The following ITGB6 variants were observed in gnomAD, a reference collection of about 807,000 sequenced individuals.
The protein encoded by ITGB6 is integrin beta-6.
Under a neutral mutation model 84.5 loss-of-function variants are expected in ITGB6, and 80 were observed. The observed-to-expected ratio is 0.95, with a 90% CI of 0.79 to 1.14. ITGB6 has a LOEUF of 1.14. Among genes scored for constraint, ITGB6 ranks in the 50% most tolerant of loss-of-function variants. ITGB6 has a pLI of 0.00. For missense variants in ITGB6, 1,006 were observed against 968.0 expected (o/e 1.04, Z -0.52); for synonymous variants, 383 against 354.9 (o/e 1.08, Z -0.89).
At chr2:160,124,192 G>C (rs1384476534) in intron 11 of ITGB6, among the ~76,000 whole-genome samples, 2 of 152,274 alleles carry the variant, frequency 1.3e-5, no homozygotes, top group East Asian at 3.9e-4. Context: ...AAAATAAATT[G>C]ATTTAGCTGT....
intron 4 of ITGB6, among the ~76,000 whole-genome samples, chr2:160,179,314 C>T (rs563457642): frequency 4.9e-4 from 75 of 151,824 alleles, no homozygotes; most frequent in African/African-American, 1.6e-3. Flanking sequence ...AAACTATATA[C>T]CATATACTCA....
At chr2:160,183,693 C>G (rs1265279827) in intron 4 of ITGB6, among the ~76,000 whole-genome samples, 1 of 152,164 alleles carries the variant, frequency 6.6e-6, no homozygotes, top group Non-Finnish European at 1.5e-5. Context: ...ATACATTCTT[C>G]TCAGCACCAA....
intron 4 of ITGB6, among the ~76,000 whole-genome samples, chr2:160,180,066 T>G (rs1432401688): frequency 6.9e-6 from 1 of 145,778 alleles, no homozygotes; most frequent in Non-Finnish European, 1.5e-5. Flanking sequence ...TGAGCCAAGA[T>G]CATGCCATTG....
intron 12 of ITGB6, 46 bp from the exon 13 acceptor site, chr2:160,112,245 G>C (rs373074164): frequency 4.2e-5 from 65 of 1,551,518 alleles, no homozygotes; most frequent in African/African-American, 6.9e-5. Flanking sequence ...GATTCCAAAA[G>C]AGATTGTTTT....
At chr2:160,119,605 G>A (rs1200572926) in intron 12 of ITGB6, among the ~76,000 whole-genome samples, 3 of 151,928 alleles carry the variant, frequency 2.0e-5, no homozygotes, top group Admixed American at 6.6e-5. Context: ...CATAGGCATG[G>A]GCAAGGACTT....
chr2:160,133,264 T>C (rs865796516), intron 10 of ITGB6, among the ~76,000 whole-genome samples: 2 of 152,254 alleles, frequency 1.3e-5, no homozygotes, highest in Middle Eastern at 3.4e-3. Context: ...GTTGCAATCC[T>C]AGTCTCTGAT....
Position 160,174,143 on chromosome 2 carries a change from C to A in ITGB6, c.594-4G>T. 1 of 1,588,040 alleles carries A rather than the reference C, an allele frequency of 6.3e-7. No homozygotes were observed. Among genetic ancestry groups the A allele is most frequent in the Non-Finnish European group, 8.6e-7 (1 of 1,167,646 alleles). On this transcript the variant is annotated splice_region_variant and splice_polypyrimidine_tract_variant and intron_variant, in intron 4 of 14. Transcript: ENST00000283249. ...TAAACAGAAGTATGGAATACTACTG[C>A]AAAAGTAAGATGCAAAAATACTGTT...
intron 4 of ITGB6, among the ~76,000 whole-genome samples, chr2:160,192,507 G>T (rs999172064): frequency 2.0e-5 from 3 of 152,022 alleles, no homozygotes; most frequent in South Asian, 4.1e-4. Flanking sequence ...AGCATGTTAA[G>T]CATAAAGCTT....
chr2:160,157,175 A>G (rs1254533204), intron 7 of ITGB6, among the ~76,000 whole-genome samples: 1 of 152,156 alleles, frequency 6.6e-6, no homozygotes, highest in African/African-American at 2.4e-5. Flanking sequence ...GTGGTATTCA[A>G]TTAAGGGTCT....
intron 4 of ITGB6, among the ~76,000 whole-genome samples, chr2:160,181,139 A>G (rs1441210217): frequency 6.6e-6 from 1 of 151,886 alleles, no homozygotes; most frequent in Non-Finnish European, 1.5e-5. Context: ...GCGAGACAGA[A>G]CCGTTCACTC....
In ITGB6 at chr2:160,137,577, G is replaced by A. The variant is rs752829523; in HGVS notation, c.1517C>T (p.Pro506Leu). 1 of 1,614,084 alleles carries A rather than the reference G, an allele frequency of 6.2e-7. No homozygotes were observed. The highest frequency in any genetic ancestry group is 8.5e-7 in the Non-Finnish European group (1 of 1,180,038). Reference protein sequence around the residue: ...MLSTDSCKEAPDHPSCSGRGD... With the variant: ...MLSTDSCKEALDHPSCSGRGD... ...CCTTCCGCTGCAGGAGGGATGATCT[G>A]GGGCCTCCTTGCAGGAATCTGTGCT... Residue 506 changes from proline to leucine, a missense_variant, in exon 10 of 15, where the codon CCA (proline) becomes CTA (leucine). Coordinates refer to ENST00000283249, the MANE Select transcript of ITGB6 (RefSeq NM_000888.5).
rs114292781 is a variant in ITGB6 at position 160,176,701 on chromosome 2, C to T, written c.594-2562G>A. Reference sequence around the variant, plus strand: ...ATCACTTCACACAGTCTAGAACAGACCTAAGTACAGATAATGGATTTGGCT... The same window carrying T: ...ATCACTTCACACAGTCTAGAACAGATCTAAGTACAGATAATGGATTTGGCT... On this transcript the variant is annotated intron_variant, in intron 4 of 14. Transcript: ENST00000283249. Among the ~76,000 whole-genome samples the T allele has an allele frequency of 8.3e-3, 1,270 of 152,178 alleles. 23 individuals carry two copies. Among genetic ancestry groups the T allele is most frequent in the African/African-American group, 0.027 (1,134 of 41,502 alleles).
rs201700153 is a variant in ITGB6, at chr2:160,195,566, C to T, written c.396G>A (p.Pro132=). The T allele has an allele frequency of 2.5e-5, 40 of 1,614,086 alleles. 1 individual carries two copies. The South Asian group carries it at 3.4e-4, about 14-fold the overall frequency. The change falls in exon 4 of 15, where the codon CCG becomes CCA. Residue 132 remains proline, a synonymous_variant. Transcript: ENST00000283249. ...QVHVRQTEDY[P]VDLYYLMDLS... is the part of the protein sequence containing the mutation. ...GGTCCATGAGGTAATACAAATCCACCGGGTAGTCCTCAGTCTGGCGGACAT... is the reference window on the plus strand; with the variant it reads ...GGTCCATGAGGTAATACAAATCCACTGGGTAGTCCTCAGTCTGGCGGACAT...
At position 160,171,065 on chromosome 2, in the gene ITGB6, G is replaced by C. The variant is rs371178175; in HGVS notation, c.921+1504C>G. Among the ~76,000 whole-genome samples the C allele has an allele frequency of 1.7e-4, 26 of 152,220 alleles. No homozygotes were observed. In the East Asian group the frequency reaches 4.0e-3, roughly 24 times the overall value. On this transcript the variant is annotated intron_variant, in intron 6 of 14. Transcript: ENST00000283249. ...GGGAATACTACTGATCAAATGTTTGGGGAAAACATTCATGTCGAAATTTAG... is the reference window on the plus strand; with the variant it reads ...GGGAATACTACTGATCAAATGTTTGCGGAAAACATTCATGTCGAAATTTAG...
Position 160,116,162 on chromosome 2 carries a change from C to T in ITGB6, c.1982-3963G>A, listed in dbSNP as rs376783900. Among the ~76,000 whole-genome samples the T allele has an allele frequency of 5.5e-3, 835 of 150,686 alleles. 3 individuals are homozygous for T. Among genetic ancestry groups the T allele is most frequent in the East Asian group, 0.014 (74 of 5,170 alleles). Reference sequence around the variant, plus strand: ...GTTCAGATTCAGGAAATACAGAGAACGCCACAAAGATACTCCTCGAGAAGA... The same window carrying T: ...GTTCAGATTCAGGAAATACAGAGAATGCCACAAAGATACTCCTCGAGAAGA... On this transcript the variant is annotated intron_variant, in intron 12 of 14. Coordinates refer to ENST00000283249, the MANE Select transcript of ITGB6 (RefSeq NM_000888.5).
At chr2:160,180,986 C>G (rs949226838) in intron 4 of ITGB6, among the ~76,000 whole-genome samples, 1 of 152,208 alleles carries the variant, frequency 6.6e-6, no homozygotes, top group Non-Finnish European at 1.5e-5. Context: ...ATTGTCTTCA[C>G]AACCCCCAGA....
intron 11 of ITGB6, among the ~76,000 whole-genome samples, chr2:160,125,919 T>A (rs1683219495): frequency 6.6e-6 from 1 of 152,136 alleles, no homozygotes; most frequent in Non-Finnish European, 1.5e-5. Flanking sequence ...TCTTTCTGCC[T>A]TTTTGCCTCT....
At chr2:160,179,162 T>G (rs1294128232) in intron 4 of ITGB6, 1 of 152,056 alleles carries the variant, frequency 6.6e-6, no homozygotes, top group Non-Finnish European at 1.5e-5. Context: ...TTGTTAAAAT[T>G]TTAAATAAAT....
chr2:160,141,920 C>A, intron 8 of ITGB6, 62 bp downstream of exon 8: 1 of 1,050,232 alleles, frequency 9.5e-7, no homozygotes, highest in African/African-American at 1.6e-5. Flanking sequence ...CTGCCTAAAT[C>A]ACATCTTAGT....
Sources: gnomAD v4.1 joint callset for allele counts (sites outside exome capture counted in the v4.1 genomes callset) on GRCh38, gnomAD v4.1.1 for gene constraint, MANE v1.5 for transcripts, NCBI Gene and HGNC (gene_info 2026-07-23, HGNC 2026-07-21) for gene names.